The following RBFOX1 variants were observed in gnomAD, a reference collection of about 807,000 sequenced individuals.
The protein encoded by RBFOX1 is RNA binding protein fox-1 homolog 1.
A neutral mutation model predicts 57.7 loss-of-function variants in RBFOX1; 8 were observed. That is an observed-to-expected ratio of 0.14 (90% CI 0.08 to 0.25). RBFOX1 has a LOEUF of 0.25. Ranked by LOEUF, RBFOX1 falls within the 10% of genes least tolerant of loss-of-function variation. The pLI, the probability that RBFOX1 is intolerant of heterozygous loss-of-function variation, is 1.00. For missense variants in RBFOX1, 611 were observed against 548.5 expected, an observed-to-expected ratio of 1.11 and a Z score of -1.14; for synonymous variants, 326 against 222.4, an observed-to-expected ratio of 1.47 and a Z score of -4.15.
intron 1 of RBFOX1, chr16:6,038,569 CATCCATATATATATATA>C (rs2095399198): frequency 7.1e-6 from 1 of 141,074 alleles, no homozygotes; most frequent in Non-Finnish European, 1.5e-5. Flanking sequence ...ATATATATAT[CATCCATATATATATATA>C]AAATCCATAT....
intron 14 of RBFOX1, among the ~76,000 whole-genome samples, chr16:7,702,535 G>A (rs944062456): frequency 5.9e-5 from 9 of 152,208 alleles, no homozygotes; most frequent in Admixed American, 4.6e-4. Context: ...GTTTATGATT[G>A]ACAACGGATT....
intron 4 of RBFOX1, among the ~76,000 whole-genome samples, chr16:5,921,251 A>T (rs763652802): frequency 6.6e-6 from 1 of 152,170 alleles, no homozygotes; most frequent in African/African-American, 2.4e-5. Context: ...GTAGCTTCTC[A>T]TGTGACCAGG....
At chr16:5,840,346 A>G (rs371360441) in intron 3 of RBFOX1, among the ~76,000 whole-genome samples, 2 of 152,160 alleles carry the variant, frequency 1.3e-5, no homozygotes, top group African/African-American at 4.8e-5. Context: ...TGGAAAAACA[A>G]AGCCACACCC....
chr16:5,846,621 G>C (rs142750660), intron 3 of RBFOX1, among the ~76,000 whole-genome samples: 1 of 152,260 alleles, frequency 6.6e-6, no homozygotes, highest in Non-Finnish European at 1.5e-5. Flanking sequence ...CCTGTCCCAA[G>C]GAACAGCAAG....
chr16:5,590,111 A>C (rs2046959561), intron 2 of RBFOX1, among the ~76,000 whole-genome samples: 1 of 152,110 alleles, frequency 6.6e-6, no homozygotes, highest in African/African-American at 2.4e-5. Context: ...GGCTAAATTG[A>C]CCTTGAAATT....
chr16:7,247,837 A>T (rs2094362595), intron 4 of RBFOX1, among the ~76,000 whole-genome samples: 1 of 152,134 alleles, frequency 6.6e-6, no homozygotes, highest in Admixed American at 6.5e-5. Flanking sequence ...GGGCTAAATG[A>T]TGAGGACTCA....
chr16:5,843,166 T>C (rs2056669715), intron 3 of RBFOX1, among the ~76,000 whole-genome samples: 1 of 152,130 alleles, frequency 6.6e-6, no homozygotes, highest in East Asian at 1.9e-4. Flanking sequence ...GGTTCAGGGG[T>C]ACATGTGCAG....
intron 3 of RBFOX1, among the ~76,000 whole-genome samples, chr16:6,955,781 C>T (rs1168293684): frequency 6.6e-6 from 1 of 152,062 alleles, no homozygotes; most frequent in Admixed American, 6.6e-5. Flanking sequence ...TTGGGGCTCA[C>T]TGCAACCTCC....
intron 3 of RBFOX1, among the ~76,000 whole-genome samples, chr16:5,764,561 A>T (rs1353808916): frequency 6.6e-6 from 1 of 152,194 alleles, no homozygotes; most frequent in Admixed American, 6.5e-5. Flanking sequence ...AAGATGCTAG[A>T]GAAAAGAGAG....
At chr16:6,252,367 A>G (rs2097622680) in intron 1 of RBFOX1, among the ~76,000 whole-genome samples, 2 of 152,226 alleles carry the variant, frequency 1.3e-5, no homozygotes, top group Non-Finnish European at 2.9e-5. Flanking sequence ...CTTAGGATAA[A>G]GATAATTATC....
intron 4 of RBFOX1, among the ~76,000 whole-genome samples, chr16:7,239,670 T>C (rs1362671578): frequency 1.3e-5 from 2 of 152,194 alleles, no homozygotes; most frequent in African/African-American, 2.4e-5. Context: ...ATTTGTCTTA[T>C]ATTAGATGAT....
At chr16:7,186,123 C>T (rs1243662323) in intron 4 of RBFOX1, among the ~76,000 whole-genome samples, 1 of 151,652 alleles carries the variant, frequency 6.6e-6, no homozygotes, top group Non-Finnish European at 1.5e-5. Context: ...TATGTACAAC[C>T]ATTGTAAAGG....
At chr16:5,481,744 A>G (rs1447621796) in intron 2 of RBFOX1, among the ~76,000 whole-genome samples, 2 of 152,112 alleles carry the variant, frequency 1.3e-5, no homozygotes, top group South Asian at 2.1e-4. Context: ...ATCATTCTGG[A>G]GGCTGCGAGT....
intron 4 of RBFOX1, among the ~76,000 whole-genome samples, chr16:7,424,181 T>C (rs2098581319): frequency 6.6e-6 from 1 of 152,094 alleles, no homozygotes; most frequent in South Asian, 2.1e-4. Flanking sequence ...CAGATTTTTG[T>C]CATTTTTTTT....
chr16:5,910,063 C>CA (rs1000858949), intron 4 of RBFOX1, among the ~76,000 whole-genome samples: 2 of 150,418 alleles, frequency 1.3e-5, no homozygotes, highest in Non-Finnish European at 3.0e-5. Flanking sequence ...CAAACAAAAA[C>CA]AAAAAACAAA....
chr16:6,551,671 T>C (rs1380318162), intron 2 of RBFOX1, among the ~76,000 whole-genome samples: 2 of 152,292 alleles, frequency 1.3e-5, no homozygotes, highest in South Asian at 2.1e-4. Context: ...GTAGCTAATA[T>C]AGCTACAGAT....
chr16:6,517,131 A>G (rs201692324), intron 2 of RBFOX1, among the ~76,000 whole-genome samples: 1 of 152,290 alleles, frequency 6.6e-6, no homozygotes, highest in African/African-American at 2.4e-5. Context: ...ACTTGTGACC[A>G]AGACATTTCC....
chr16:6,910,468 T>C lies in RBFOX1; in HGVS notation c.-15-141589T>C, dbSNP rs555898446. 2.1e-4 allele frequency among the ~76,000 whole-genome samples: 32 copies of C among 152,334 alleles called. No homozygotes were observed. In the South Asian group the frequency reaches 6.4e-3, roughly 31 times the overall value. On this transcript the variant is annotated intron_variant, in intron 3 of 15. Coordinates refer to ENST00000550418, the MANE Select transcript of RBFOX1 (RefSeq NM_018723.4). ...AAAATCAAGGACTTGGCTCTGTGCC[T>C]GAGTGGGTGATTCCCCACTTGTGTT...
Position 7,690,701 on chromosome 16 carries a change from C to A in RBFOX1, c.995+13863C>A, listed in dbSNP as rs143299506. On this transcript the variant is annotated intron_variant, in intron 14 of 15. Transcript: ENST00000550418. ...TTTTTCTGAAGTTGTTTGGATATAG[C>A]GGAGACATTCGTCTCTTTGATCATA... Among the ~76,000 whole-genome samples the A allele has an allele frequency of 1.2e-4, 18 of 152,096 alleles. No homozygotes were observed. The East Asian group carries it at 1.7e-3, about 15-fold the overall frequency.
Sources: gnomAD v4.1 joint callset for allele counts (sites outside exome capture counted in the v4.1 genomes callset) on GRCh38, gnomAD v4.1.1 for gene constraint, MANE v1.5 for transcripts, NCBI Gene and HGNC (gene_info 2026-07-23, HGNC 2026-07-21) for gene names.